The following NUDT3 variants were observed in gnomAD, a reference collection of about 807,000 sequenced individuals.
NUDT3 encodes the protein nudix hydrolase 3.
A neutral mutation model predicts 23.6 loss-of-function variants in NUDT3; 9 were observed. That is an observed-to-expected ratio of 0.38 (90% CI 0.23 to 0.66). The LOEUF is 0.66. NUDT3 is among the 30% of genes least tolerant of loss of function. NUDT3 has a pLI of 0.52. For missense variants in NUDT3, 172 were observed against 218.5 expected, an observed-to-expected ratio of 0.79 and a Z score of 1.34; for synonymous variants, 86 against 82.6, an observed-to-expected ratio of 1.04 and a Z score of -0.22.
chr6:34,323,617 C>CGAAGA (rs975184097), intron 2 of NUDT3, among the ~76,000 whole-genome samples: 2 of 150,390 alleles, frequency 1.3e-5, no homozygotes, highest in African/African-American at 4.9e-5. Context: ...CGAAGCGAAG[C>CGAAGA]GAAGAGAAGA....
At chr6:34,370,405 T>C (rs1342355794) in intron 1 of NUDT3, among the ~76,000 whole-genome samples, 2 of 152,270 alleles carry the variant, frequency 1.3e-5, no homozygotes, top group Middle Eastern at 3.4e-3. Context: ...CAGATACAAC[T>C]TCAGCGTTCA....
At position 34,341,907 on chromosome 6, in the gene NUDT3, G is replaced by A. The variant is rs908819853; in HGVS notation, c.165C>T (p.Pro55=). ...RWIVPGGGME[P]EEEPSVAAVR... ...CTGCTGCCACACTTGGCTCCTCCTC[G>A]GGCTCCATGCCTCCTCCAGGGACAA... is the stretch of plus-strand genomic sequence containing the variant. Residue 55 remains proline, a synonymous_variant, in exon 2 of 5, where the codon CCC becomes CCT. Coordinates refer to ENST00000607016, the MANE Select transcript of NUDT3 (RefSeq NM_006703.4). 11 of 1,613,978 alleles carry A rather than the reference G, an allele frequency of 6.8e-6. No individual in the cohort carries two copies. Among genetic ancestry groups the A allele is most frequent in the Admixed American group, 3.3e-5 (2 of 59,992 alleles).
intron 1 of NUDT3, among the ~76,000 whole-genome samples, chr6:34,342,289 CAAAAAA>C (rs200954440): frequency 0.026 from 1,695 of 66,426 alleles, 23 homozygotes; most frequent in African/African-American, 0.052. Context: ...TAGAAGACTT[CAAAAAA>C]AAAAAAAAAA....
intron 1 of NUDT3, among the ~76,000 whole-genome samples, chr6:34,380,854 C>T (rs1180964401): frequency 1.3e-5 from 2 of 152,168 alleles, no homozygotes; most frequent in Non-Finnish European, 2.9e-5. Context: ...GGCCCAGTGT[C>T]CTTCACCTAG....
Position 34,281,089 on chromosome 6 carries a change from C to T in NUDT3, c.*7664G>A, listed in dbSNP as rs1477557937. The T allele has an allele frequency of 6.6e-6, 1 of 152,304 alleles. No homozygotes were observed. The highest frequency in any genetic ancestry group is 1.9e-4 in the East Asian group (1 of 5,190). 9.4% of individuals were successfully genotyped at this position (152,304 alleles called of 1,614,324 possible). On this transcript the variant is annotated 3_prime_UTR_variant, in exon 5 of 5. Coordinates refer to ENST00000607016, the MANE Select transcript of NUDT3 (RefSeq NM_006703.4). ...GGGGAGAAAGCACACTAGTTCATCT[C>T]TTTTATAAGTAGAATGGTCCCAGGG...
At position 34,287,227 on chromosome 6, in the gene NUDT3, A is replaced by T. The variant is rs1763345894; in HGVS notation, c.*1526T>A. The T allele has an allele frequency of 6.6e-6, 1 of 152,242 alleles. No individual in the cohort carries two copies. Among genetic ancestry groups the T allele is most frequent in the African/African-American group, 2.4e-5 (1 of 41,458 alleles). 9.4% of individuals were successfully genotyped at this position (152,242 alleles called of 1,614,324 possible). ...GTTTGAGTGCTTTATTAGAATTTTT[A>T]AATGAGGCGAACTATGATTTTAATT... is the stretch of plus-strand genomic sequence containing the variant. On this transcript the variant is annotated 3_prime_UTR_variant, in exon 5 of 5. Transcript: ENST00000607016.
chr6:34,370,925 G>C (rs1177223132), intron 1 of NUDT3, among the ~76,000 whole-genome samples: 1 of 151,286 alleles, frequency 6.6e-6, no homozygotes, highest in Non-Finnish European at 1.5e-5. Context: ...CCAACATGGT[G>C]AAACTAAATT....
At chr6:34,361,054 T>C (rs1764643579) in intron 1 of NUDT3, among the ~76,000 whole-genome samples, 2 of 151,908 alleles carry the variant, frequency 1.3e-5, no homozygotes, top group African/African-American at 4.8e-5. Context: ...AAGACCCCAT[T>C]TCTATAAAAA....
chr6:34,377,866 C>T (rs780748377), intron 1 of NUDT3, among the ~76,000 whole-genome samples: 4 of 151,690 alleles, frequency 2.6e-5, no homozygotes, highest in Non-Finnish European at 5.9e-5. Flanking sequence ...GAGAGCATGA[C>T]TATGCTGATA....
At chr6:34,363,135 C>T (rs114650688) in intron 1 of NUDT3, among the ~76,000 whole-genome samples, 302 of 152,284 alleles carry the variant, frequency 2.0e-3, no homozygotes, top group African/African-American at 6.6e-3. Context: ...GTTTTCCCCT[C>T]TACTTTGCTG....
At chr6:34,312,261 G>A (rs1161506477) in intron 2 of NUDT3, among the ~76,000 whole-genome samples, 1 of 152,100 alleles carries the variant, frequency 6.6e-6, no homozygotes, top group Non-Finnish European at 1.5e-5. Context: ...AATTAGCCGA[G>A]TGTGGTGGTG....
At chr6:34,308,119 C>CAAAAAAAA (rs533055608) in intron 2 of NUDT3, among the ~76,000 whole-genome samples, 9 of 60,140 alleles carry the variant, frequency 1.5e-4, no homozygotes, top group Non-Finnish European at 2.4e-4. Context: ...AACTCTGTCT[C>CAAAAAAAA]AAAAAAAAAA....
chr6:34,355,621 A>C (rs1042868508), intron 1 of NUDT3, among the ~76,000 whole-genome samples: 5 of 141,304 alleles, frequency 3.5e-5, no homozygotes, highest in Admixed American at 8.0e-5. Flanking sequence ...AATTGTGTAG[A>C]ATGATACTAC....
chr6:34,330,565 G>A (rs919750366), intron 2 of NUDT3, among the ~76,000 whole-genome samples: 4 of 152,166 alleles, frequency 2.6e-5, no homozygotes, highest in Admixed American at 6.5e-5. Flanking sequence ...TGGAGGCCAA[G>A]GTGGACAGAT....
intron 2 of NUDT3, among the ~76,000 whole-genome samples, chr6:34,314,362 G>T (rs1368737123): frequency 6.7e-6 from 1 of 148,886 alleles, no homozygotes; most frequent in Admixed American, 6.8e-5. Flanking sequence ...AAACCAGCCT[G>T]GTCAACATGG....
intron 3 of NUDT3, 41 bp downstream of exon 3, chr6:34,295,600 T>C (rs1763487284): frequency 1.2e-6 from 2 of 1,606,340 alleles, no homozygotes; most frequent in Non-Finnish European, 1.7e-6. Flanking sequence ...TGTGTGGTTA[T>C]TAATACATAT....
At chr6:34,305,301 A>G (rs576381498) in intron 2 of NUDT3, among the ~76,000 whole-genome samples, 1 of 152,244 alleles carries the variant, frequency 6.6e-6, no homozygotes, top group South Asian at 2.1e-4. Flanking sequence ...TTTTAAAAGT[A>G]AATTTGGGTA....
At chr6:34,302,117 G>C (rs1328710022) in intron 2 of NUDT3, among the ~76,000 whole-genome samples, 1 of 151,776 alleles carries the variant, frequency 6.6e-6, no homozygotes, top group Non-Finnish European at 1.5e-5. Context: ...CTGCAGCCTT[G>C]ACCTCCCAGG....
intron 4 of NUDT3, among the ~76,000 whole-genome samples, chr6:34,290,550 T>C (rs1392309976): frequency 1.3e-5 from 2 of 151,016 alleles, no homozygotes; most frequent in Non-Finnish European, 2.9e-5. Context: ...AAGCAATCTA[T>C]ATTATGAAAA....
Sources: allele counts gnomAD v4.1 joint callset (sites outside exome capture counted in the v4.1 genomes callset), GRCh38; gene constraint gnomAD v4.1.1; transcripts MANE v1.5; gene names NCBI Gene and HGNC (gene_info 2026-07-23, HGNC 2026-07-21).